The following TEX14 variants were observed in gnomAD, a reference collection of about 807,000 sequenced individuals.
TEX14 encodes the protein inactive serine/threonine-protein kinase TEX14.
Under a neutral mutation model 178.6 loss-of-function variants are expected in TEX14, and 168 were observed. That is an observed-to-expected ratio of 0.94 (90% CI 0.83 to 1.07). TEX14 has a LOEUF of 1.07. Among genes scored for constraint, TEX14 ranks in the 50% least tolerant of loss-of-function variants. The pLI is 0.00. For missense variants in TEX14, 1,730 were observed against 1,753.6 expected (o/e 0.99, Z 0.24); for synonymous variants, 626 against 634.1 (o/e 0.99, Z 0.19).
Position 58,569,057 on chromosome 17 carries a change from C to T in TEX14, c.3886+135G>A. The T allele has an allele frequency of 1.5e-6, 1 of 651,582 alleles. No homozygotes were observed. The allele number at this position is 651,582 out of a possible 1,614,324, so 40.4% of individuals were successfully genotyped here. ...CCCCTTCCTAAATTTTGGAAAACTG[C>T]CCCTTCCTATATTCAACCAGGCCAT... On this transcript the variant is annotated intron_variant, in intron 26 of 31. Coordinates refer to ENST00000349033, the MANE Select transcript of TEX14 (RefSeq NM_031272.5). This position sits in a 1 kb window ranked among gnomAD's most constrained non-coding sequence, Gnocchi z 4.1.
rs959069400 is a variant in TEX14, at chr17:58,631,727, ACTCGTG to A, written c.137-1179_137-1174del. On this transcript the variant is annotated intron_variant, in intron 2 of 31. Transcript: ENST00000349033. The stretch of plus-strand genomic sequence containing the variant: ...ACGCAACACCAAACACTGCTATCCC[ACTCGTG>A]AGAGAACACAAATATCTCCCTCTCG... 8.2e-5 allele frequency: 12 copies of A among 146,580 alleles called. No homozygotes were observed. The East Asian group carries it at 1.2e-3, about 15-fold the overall frequency. The allele number at this position is 146,580 out of a possible 1,614,324, so 9.1% of individuals were successfully genotyped here. A position where few individuals can be genotyped will look rare whatever the true frequency, so the allele number is the denominator to read the frequency against.
intron 1 of TEX14, among the ~76,000 whole-genome samples, chr17:58,685,910 G>A (rs928843412): frequency 8.2e-5 from 12 of 146,038 alleles, no homozygotes; most frequent in East Asian, 2.0e-4. Flanking sequence ...CAGGACAATC[G>A]CCTGAACATG....
At position 58,572,049 on chromosome 17, in the gene TEX14, A is replaced by G. The variant is rs2044544305; in HGVS notation, c.3589T>C (p.Ser1197Pro). 6.2e-7 allele frequency: 1 copy of G among 1,614,212 alleles called. No individual in the cohort carries two copies. Among genetic ancestry groups the G allele is most frequent in the Non-Finnish European group, 8.5e-7 (1 of 1,180,020 alleles). ...ATAAATTCTTGACTGTTCCAGCAAG[A>G]GGCAAACTCTGTCTTAACCTGAAAT... is the stretch of plus-strand genomic sequence containing the variant. ...ITFQVKTEFA[S>P]CWNSQEFIQT... is the part of the protein sequence containing the mutation. Residue 1197 changes from serine to proline, a missense_variant, in exon 24 of 32, where the codon TCT (serine) becomes CCT (proline). Physicochemically the swap from Ser to Pro is moderately conservative, Grantham distance 74 (BLOSUM62 -1). Coordinates refer to ENST00000349033, the MANE Select transcript of TEX14 (RefSeq NM_031272.5).
intron 2 of TEX14, among the ~76,000 whole-genome samples, chr17:58,632,141 G>A (rs1429679679): frequency 3.3e-5 from 5 of 152,222 alleles, no homozygotes; most frequent in Non-Finnish European, 7.3e-5. Context: ...CGGAGCGCCA[G>A]AAACCGTCAG....
chr17:58,629,911 T>C (rs2144574855), intron 3 of TEX14, among the ~76,000 whole-genome samples: 1 of 150,902 alleles, frequency 6.6e-6, no homozygotes, highest in Middle Eastern at 3.4e-3. Flanking sequence ...CGTGTTTTTT[T>C]TTTTTCCTTT....
At chr17:58,673,504 T>TAAA in intron 1 of TEX14, among the ~76,000 whole-genome samples, 1 of 151,374 alleles carries the variant, frequency 6.6e-6, no homozygotes, top group Middle Eastern at 3.4e-3. Flanking sequence ...AATAAATAAA[T>TAAA]AAATAAATAA....
intron 5 of TEX14, among the ~76,000 whole-genome samples, chr17:58,619,101 T>C (rs1567739234): frequency 6.6e-6 from 1 of 152,208 alleles, no homozygotes; most frequent in Non-Finnish European, 1.5e-5. Flanking sequence ...GTGCTGACAG[T>C]GAGGGTGTCA....
intron 1 of TEX14, among the ~76,000 whole-genome samples, chr17:58,658,879 T>G (rs2047025300): frequency 1.3e-5 from 2 of 152,048 alleles, no homozygotes; most frequent in African/African-American, 4.8e-5. Flanking sequence ...ATTGGCTCAT[T>G]AAGTCTCCAT....
chr17:58,565,010 A>G (rs1158647487), intron 27 of TEX14, 42 bp from the exon 28 acceptor site: 1 of 1,325,150 alleles, frequency 7.5e-7, no homozygotes, highest in Non-Finnish European at 1.1e-6. Context: ...GAACGAAAAA[A>G]AAATTGAGAA....
At chr17:58,659,643 T>C (rs2047066144) in intron 1 of TEX14, among the ~76,000 whole-genome samples, 1 of 152,002 alleles carries the variant, frequency 6.6e-6, no homozygotes. Context: ...TGATAAGAAA[T>C]TTTTTTTCTT....
chr17:58,573,326 C>T lies in TEX14; in HGVS notation c.3384-18G>A, dbSNP rs755201638. The T allele has an allele frequency of 6.2e-7, 1 of 1,611,256 alleles. No homozygotes were observed. The highest frequency in any genetic ancestry group is 8.5e-7 in the Non-Finnish European group (1 of 1,177,894). On this transcript the variant is annotated intron_variant, in intron 22 of 31. Coordinates refer to ENST00000349033, the MANE Select transcript of TEX14 (RefSeq NM_031272.5). ...TCAATGATCTAAAGAATTAAGAGCA[C>T]ACAGTAATGATGAGAAGATGACTAG... is the stretch of plus-strand genomic sequence containing the variant.
chr17:58,625,041 G>C (rs1275864456), intron 3 of TEX14, among the ~76,000 whole-genome samples: 1 of 152,168 alleles, frequency 6.6e-6, no homozygotes, highest in African/African-American at 2.4e-5. Context: ...AAGCAGTCCA[G>C]CACACTGCAT....
chr17:58,614,425 G>A (rs2045822619), intron 8 of TEX14, among the ~76,000 whole-genome samples: 1 of 152,210 alleles, frequency 6.6e-6, no homozygotes, highest in Non-Finnish European at 1.5e-5. Context: ...AGGAGGTGGA[G>A]GTTGCAGTGA....
intron 18 of TEX14, among the ~76,000 whole-genome samples, chr17:58,585,322 T>TA (rs1261156729): frequency 2.0e-5 from 3 of 152,150 alleles, no homozygotes; most frequent in African/African-American, 7.2e-5. Context: ...TGCAATGAGA[T>TA]ATAGGGCTAT....
At chr17:58,677,766 C>T (rs2047418782) in intron 1 of TEX14, 2 of 152,344 alleles carry the variant, frequency 1.3e-5, no homozygotes, top group South Asian at 4.1e-4. Context: ...TGACATCTCA[C>T]CCTCAGATTC....
chr17:58,631,727 A>C (rs1390764288), intron 2 of TEX14: 2 of 146,496 alleles, frequency 1.4e-5, no homozygotes, highest in Non-Finnish European at 3.1e-5. Flanking sequence ...CTGCTATCCC[A>C]CTCGTGAGAG....
chr17:58,608,555 G>A (rs1251900042), intron 10 of TEX14, among the ~76,000 whole-genome samples: 1 of 152,120 alleles, frequency 6.6e-6, no homozygotes, highest in Non-Finnish European at 1.5e-5. Flanking sequence ...CAGCCTGGGC[G>A]ACAGAGCAAG....
chr17:58,630,086 C>T (rs1350722492), intron 3 of TEX14, among the ~76,000 whole-genome samples: 2 of 149,384 alleles, frequency 1.3e-5, no homozygotes, highest in Admixed American at 6.7e-5. Flanking sequence ...GACTGAGTCT[C>T]GCTCTTGTTG....
Position 58,599,589 on chromosome 17 carries a change from G to C in TEX14, c.1756C>G (p.Leu586Val). The C allele has an allele frequency of 2.5e-6, 4 of 1,613,904 alleles. No homozygotes were observed. Among genetic ancestry groups the C allele is most frequent in the Non-Finnish European group, 3.4e-6 (4 of 1,179,964 alleles). Residue 586 changes from leucine to valine, a missense_variant, in exon 14 of 32, where the codon CTG (leucine) becomes GTG (valine). Leu to Val is a conservative substitution (Grantham distance 32). Coordinates refer to ENST00000349033, the MANE Select transcript of TEX14 (RefSeq NM_031272.5). ...TLDPQAPDPC[L>V]MARETQNQDA... ...TGATTCTGAGTCTCCCTGGCCATCA[G>C]ACATGGATCTGGGGCCTGAGGATCT...
Sources: gnomAD v4.1 joint callset for allele counts (sites outside exome capture counted in the v4.1 genomes callset) on GRCh38, gnomAD v4.1.1 for gene constraint, Gnocchi (gnomAD v3.1) non-coding constraint, MANE v1.5 for transcripts, NCBI Gene and HGNC (gene_info 2026-07-23, HGNC 2026-07-21) for gene names.